Variants in MERTK observed in about 807,000 individuals in gnomAD.
MERTK encodes the protein tyrosine-protein kinase Mer.
MERTK carries 69 observed loss-of-function variants against 99.3 expected under a neutral mutation model. That is an observed-to-expected ratio of 0.70 (90% CI 0.57 to 0.85). The LOEUF (loss-of-function observed/expected upper bound fraction) is 0.85, where lower values mean the gene tolerates loss of function less well. Ranked by LOEUF, MERTK falls within the 40% of genes least tolerant of loss-of-function variation. The probability of loss-of-function intolerance (pLI) is 0.00; values close to 1 mark genes in which losing one functional copy is unlikely to be tolerated. For missense variants in MERTK, 1,125 were observed against 1,249.4 expected (o/e 0.90, Z 1.50); for synonymous variants, 426 against 467.6 (o/e 0.91, Z 1.15).
intron 7 of MERTK, 62 bp from the exon 8 acceptor site, chr2:111,982,780 A>G (rs1050394005): frequency 3.8e-6 from 6 of 1,583,734 alleles, no homozygotes; most frequent in Non-Finnish European, 5.2e-6. Flanking sequence ...GAAAACCCAG[A>G]TGAGAATACA....
chr2:111,936,933 G>A (rs1684774745), intron 2 of MERTK, among the ~76,000 whole-genome samples: 1 of 152,110 alleles, frequency 6.6e-6, no homozygotes, highest in Admixed American at 6.5e-5. Context: ...CCCTGGTCAG[G>A]CGCAACACTC....
intron 15 of MERTK, among the ~76,000 whole-genome samples, chr2:112,014,635 C>CTT (rs201000426): frequency 6.8e-6 from 1 of 146,036 alleles, no homozygotes; most frequent in African/African-American, 2.5e-5. Flanking sequence ...CATTTATAAC[C>CTT]TTTTTTTTTT....
intron 8 of MERTK, among the ~76,000 whole-genome samples, chr2:111,984,570 G>C (rs1676434487): frequency 6.6e-6 from 1 of 152,158 alleles, no homozygotes; most frequent in Non-Finnish European, 1.5e-5. Context: ...CTGGATTGAG[G>C]AGTTCTGACC....
Position 112,025,710 on chromosome 2 carries a change from A to G in MERTK, c.2487-2641A>G, listed in dbSNP as rs895234172. On this transcript the variant is annotated intron_variant, in intron 18 of 18. Coordinates refer to ENST00000295408, the MANE Select transcript of MERTK (RefSeq NM_006343.3). ...GCAGCCTGCACTCAGCCATCCTCAGAGCCAGGAGCAAAGCAGGTGCTTGAA... is the reference window on the plus strand; with the variant it reads ...GCAGCCTGCACTCAGCCATCCTCAGGGCCAGGAGCAAAGCAGGTGCTTGAA... Among the ~76,000 whole-genome samples the G allele has an allele frequency of 3.3e-5, 5 of 152,352 alleles. No individual in the cohort carries two copies. The Middle Eastern group carries it at 0.01, about 311-fold the overall frequency.
chr2:111,975,171 G>A, intron 6 of MERTK, 118 bp from the exon 7 acceptor site: 6 of 940,100 alleles, frequency 6.4e-6, no homozygotes, highest in Non-Finnish European at 7.0e-6. Flanking sequence ...CAGAAAGGAA[G>A]CAGGTCCTTC....
intron 7 of MERTK, 29 bp downstream of exon 7, chr2:111,975,501 G>A (rs960364215): frequency 6.2e-7 from 1 of 1,607,738 alleles, no homozygotes; most frequent in Non-Finnish European, 8.5e-7. Context: ...AATGTATATT[G>A]CCCCCAATGA....
intron 1 of MERTK, among the ~76,000 whole-genome samples, chr2:111,904,730 TG>T (rs1347722608): frequency 1.3e-5 from 2 of 152,204 alleles, no homozygotes; most frequent in African/African-American, 4.8e-5. Context: ...TGAGGTCAGT[TG>T]GCTGCAACAT....
chr2:111,972,860 A>C (rs1378623686), intron 6 of MERTK, among the ~76,000 whole-genome samples: 1 of 152,174 alleles, frequency 6.6e-6, no homozygotes, highest in African/African-American at 2.4e-5. Context: ...ACAAGCTCTA[A>C]AAGTTATCTT....
intron 18 of MERTK, among the ~76,000 whole-genome samples, chr2:112,025,298 CAG>C (rs1388558964): frequency 2.6e-5 from 4 of 152,196 alleles, no homozygotes; most frequent in Non-Finnish European, 5.9e-5. Flanking sequence ...TGCGTGGACT[CAG>C]GGGCTCCTCT....
At chr2:111,957,207 C>T (rs1042706435) in intron 4 of MERTK, among the ~76,000 whole-genome samples, 2 of 151,738 alleles carry the variant, frequency 1.3e-5, no homozygotes, top group South Asian at 2.1e-4. Flanking sequence ...AGGTGTGAGC[C>T]ACTGCGCCCG....
chr2:112,026,648 G>A (rs982911164), intron 18 of MERTK, among the ~76,000 whole-genome samples: 52 of 152,228 alleles, frequency 3.4e-4, no homozygotes, highest in African/African-American at 1.2e-3. Context: ...GCGCCGTGCC[G>A]TTGTCTAGGC....
At chr2:111,939,258 G>C (rs1216982032) in intron 2 of MERTK, among the ~76,000 whole-genome samples, 1 of 151,912 alleles carries the variant, frequency 6.6e-6, no homozygotes, top group Non-Finnish European at 1.5e-5. Flanking sequence ...GCTAGCTTAG[G>C]TCTCTCTTCC....
At chr2:111,979,528 AC>A (rs1483170553) in intron 7 of MERTK, among the ~76,000 whole-genome samples, 1 of 150,860 alleles carries the variant, frequency 6.6e-6, no homozygotes, top group Non-Finnish European at 1.5e-5. Flanking sequence ...TGGTCCTTAA[AC>A]TTTTTTTTTT....
intron 15 of MERTK, among the ~76,000 whole-genome samples, chr2:112,012,708 C>T (rs1222192732): frequency 2.0e-5 from 3 of 152,082 alleles, no homozygotes; most frequent in East Asian, 3.9e-4. Flanking sequence ...TGAAGTGCCC[C>T]GACCTCCGGT....
chr2:111,982,749 G>A, intron 7 of MERTK, 93 bp from the exon 8 acceptor site: 4 of 1,388,614 alleles, frequency 2.9e-6, no homozygotes, highest in Non-Finnish European at 4.1e-6. Flanking sequence ...TTTTCATAGA[G>A]CATTTGAAAA....
At chr2:111,913,587 A>G (rs1293278268) in intron 1 of MERTK, among the ~76,000 whole-genome samples, 2 of 151,912 alleles carry the variant, frequency 1.3e-5, no homozygotes, top group African/African-American at 2.4e-5. Flanking sequence ...TCTGTCACCC[A>G]GGTTGGAGTA....
intron 16 of MERTK, among the ~76,000 whole-genome samples, chr2:112,020,819 A>G (rs1256316803): frequency 6.6e-6 from 1 of 151,986 alleles, no homozygotes; most frequent in Non-Finnish European, 1.5e-5. Context: ...CTGCGTCTCC[A>G]TGTTCTCCAG....
chr2:112,027,398 GA>G lies in MERTK; in HGVS notation c.2487-945del, dbSNP rs200767831. Reference sequence around the variant, plus strand: ...GAAATGTCAGGTCTATCAATTATAAGAAAAAAAACATTTTTAATGAAATGAT... The same window carrying G: ...GAAATGTCAGGTCTATCAATTATAAGAAAAAAACATTTTTAATGAAATGAT... On this transcript the variant is annotated intron_variant, in intron 18 of 18. Coordinates refer to ENST00000295408, the MANE Select transcript of MERTK (RefSeq NM_006343.3). Among the ~76,000 whole-genome samples, 11 of 151,064 alleles carry G rather than the reference GA, an allele frequency of 7.3e-5. No homozygotes were observed. The South Asian group carries it at 1.0e-3, about 14-fold the overall frequency.
At chr2:111,995,830 T>C (rs1007362152) in intron 9 of MERTK, among the ~76,000 whole-genome samples, 1 of 152,066 alleles carries the variant, frequency 6.6e-6, no homozygotes, top group African/African-American at 2.4e-5. Context: ...TGTGGTGGCA[T>C]GCGCCTGTGG....
Sources: allele counts gnomAD v4.1 joint callset (sites outside exome capture counted in the v4.1 genomes callset), GRCh38; gene constraint gnomAD v4.1.1; transcripts MANE v1.5; gene names NCBI Gene and HGNC (gene_info 2026-07-23, HGNC 2026-07-21).